Variants in PTPRT observed in about 807,000 individuals in gnomAD.
PTPRT encodes the protein protein tyrosine phosphatase receptor type T.
A neutral mutation model predicts 176.8 loss-of-function variants in PTPRT; 56 were observed. That is an observed-to-expected ratio of 0.32 (90% CI 0.26 to 0.40). The LOEUF (loss-of-function observed/expected upper bound fraction) is 0.40. Ranked by LOEUF, PTPRT falls within the 10% of genes least tolerant of loss-of-function variation. The probability of loss-of-function intolerance (pLI) is 1.00; values close to 1 mark genes in which losing one functional copy is unlikely to be tolerated. For missense variants in PTPRT, 1,540 were observed against 1,908.2 expected, an observed-to-expected ratio of 0.81 and a Z score of 3.60; for synonymous variants, 783 against 739.0, an observed-to-expected ratio of 1.06 and a Z score of -0.96.
chr20:43,063,325 G>A (rs764512036), intron 1 of PTPRT: 1 of 152,058 alleles, frequency 6.6e-6, no homozygotes, highest in African/African-American at 2.4e-5. Flanking sequence ...AGCCAACTTC[G>A]GGATGTGAGG....
At chr20:42,318,591 T>G (rs1268606848) in intron 11 of PTPRT, among the ~76,000 whole-genome samples, 1 of 152,176 alleles carries the variant, frequency 6.6e-6, no homozygotes, top group African/African-American at 2.4e-5. Context: ...TTTGGGAGCA[T>G]GCAACCAAAG....
chr20:43,031,153 C>T (rs1186596009), intron 1 of PTPRT, among the ~76,000 whole-genome samples: 1 of 152,146 alleles, frequency 6.6e-6, no homozygotes, highest in Admixed American at 6.5e-5. Flanking sequence ...ATGGGTTACC[C>T]CCAGGAAAGA....
chr20:42,060,345 A>T, the PTPRT span, among the ~76,000 whole-genome samples: 2 of 152,142 alleles, frequency 1.3e-5, no homozygotes, highest in Non-Finnish European at 2.9e-5. Context: ...ATCACACAGG[A>T]TTAGTGGCTT....
intron 7 of PTPRT, among the ~76,000 whole-genome samples, chr20:42,487,134 T>C (rs1396465645): frequency 6.6e-6 from 1 of 152,218 alleles, no homozygotes; most frequent in Non-Finnish European, 1.5e-5. Flanking sequence ...AAGATTCTGC[T>C]AAAGCCATAA....
chr20:42,540,157 G>C (rs1277703889), intron 7 of PTPRT, among the ~76,000 whole-genome samples: 1 of 152,116 alleles, frequency 6.6e-6, no homozygotes, highest in Non-Finnish European at 1.5e-5. Context: ...AGTTTGGACA[G>C]GGAATTGGGA....
intron 1 of PTPRT, among the ~76,000 whole-genome samples, chr20:43,090,467 A>G (rs1412997310): frequency 6.8e-4 from 104 of 152,098 alleles, no homozygotes; most frequent in South Asian, 2.1e-4. Context: ...ACAGGGTTTC[A>G]CCGTTTTAGC....
intron 1 of PTPRT, among the ~76,000 whole-genome samples, chr20:43,123,284 A>G (rs1338695622): frequency 6.6e-6 from 1 of 152,232 alleles, no homozygotes; most frequent in Non-Finnish European, 1.5e-5. Context: ...GGTTGACTGC[A>G]TTTGAGCAAA....
At chr20:43,083,320 G>GTATGTA (rs2011492187) in intron 1 of PTPRT, among the ~76,000 whole-genome samples, 1 of 37,386 alleles carries the variant, frequency 2.7e-5, no homozygotes, top group Non-Finnish European at 7.0e-5. Context: ...CACTTCAAAT[G>GTATGTA]TATATATATA....
intron 12 of PTPRT, among the ~76,000 whole-genome samples, chr20:42,312,605 T>G (rs2057650988): frequency 6.6e-6 from 1 of 152,168 alleles, no homozygotes; most frequent in Non-Finnish European, 1.5e-5. Context: ...TGAGGTCAAG[T>G]GCACCCGCAA....
chr20:42,491,693 T>G (rs2071563750), intron 7 of PTPRT, among the ~76,000 whole-genome samples: 1 of 152,112 alleles, frequency 6.6e-6, no homozygotes, highest in African/African-American at 2.4e-5. Flanking sequence ...ACACACCAAA[T>G]TTGCCAGATC....
intron 1 of PTPRT, among the ~76,000 whole-genome samples, chr20:43,161,351 G>A (rs1048364324): frequency 2.0e-5 from 3 of 151,962 alleles, no homozygotes; most frequent in Non-Finnish European, 2.9e-5. Flanking sequence ...ATGACATGAA[G>A]GAGAAAGAGC....
At chr20:42,693,736 TA>T (rs1230965248) in intron 6 of PTPRT, among the ~76,000 whole-genome samples, 6 of 152,142 alleles carry the variant, frequency 3.9e-5, no homozygotes, top group Non-Finnish European at 8.8e-5. Flanking sequence ...GACCTATATG[TA>T]AAAGGTAAAC....
intron 7 of PTPRT, among the ~76,000 whole-genome samples, chr20:42,502,504 T>C (rs1427475532): frequency 6.6e-6 from 1 of 151,924 alleles, no homozygotes; most frequent in East Asian, 1.9e-4. Flanking sequence ...TTCTGAAATA[T>C]ATATAAAAGG....
chr20:42,807,009 A>G (rs892450212), intron 2 of PTPRT, among the ~76,000 whole-genome samples: 1 of 152,170 alleles, frequency 6.6e-6, no homozygotes, highest in Non-Finnish European at 1.5e-5. Context: ...TCCAAGATGC[A>G]ATGCGCTGCC....
chr20:42,456,745 G>A (rs933447014), intron 8 of PTPRT, among the ~76,000 whole-genome samples: 3 of 151,900 alleles, frequency 2.0e-5, no homozygotes, highest in African/African-American at 7.2e-5. Flanking sequence ...CTAATATTTT[G>A]TTTAGGTATT....
chr20:42,244,092 A>T (rs16986708), intron 14 of PTPRT, among the ~76,000 whole-genome samples: 3 of 152,188 alleles, frequency 2.0e-5, no homozygotes, highest in African/African-American at 7.2e-5. Flanking sequence ...AGCTCATTTG[A>T]TCTTTAGAAT....
At chr20:42,115,798 G>C (rs567234918) in intron 21 of PTPRT, among the ~76,000 whole-genome samples, 1 of 152,274 alleles carries the variant, frequency 6.6e-6, no homozygotes, top group Non-Finnish European at 1.5e-5. Context: ...GTGGGAAATA[G>C]GAGGTGGAAG....
At chr20:42,614,572 T>C (rs1600474238) in intron 7 of PTPRT, among the ~76,000 whole-genome samples, 1 of 152,114 alleles carries the variant, frequency 6.6e-6, no homozygotes, top group Admixed American at 6.6e-5. Context: ...GCAGCTTTTT[T>C]CAACTTTCAC....
intron 9 of PTPRT, among the ~76,000 whole-genome samples, chr20:42,408,918 G>C (rs1458617596): frequency 6.6e-6 from 1 of 152,178 alleles, no homozygotes; most frequent in Non-Finnish European, 1.5e-5. Flanking sequence ...AATCACATGG[G>C]TGAAGGGGAA....
Sources: allele counts gnomAD v4.1 joint callset (sites outside exome capture counted in the v4.1 genomes callset), GRCh38; gene constraint gnomAD v4.1.1; transcripts MANE v1.5; gene names NCBI Gene and HGNC (gene_info 2026-07-23, HGNC 2026-07-21).